TNRC6B: variants seen among roughly 807,000 people sequenced by gnomAD.
TNRC6B encodes trinucleotide repeat-containing gene 6B protein.
Under a neutral mutation model 203.6 loss-of-function variants are expected in TNRC6B, and 52 were observed. That is an observed-to-expected ratio of 0.26 (90% CI 0.20 to 0.32). The LOEUF is 0.32. Ranked by LOEUF, TNRC6B falls within the 10% of genes least tolerant of loss-of-function variation. The pLI, the probability that TNRC6B is intolerant of heterozygous loss-of-function variation, is 1.00. For synonymous variants in TNRC6B, 838 were observed against 845.7 expected, an observed-to-expected ratio of 0.99 and a Z score of 0.16; for missense variants, 1,923 against 2,286.2, an observed-to-expected ratio of 0.84 and a Z score of 3.24.
chr22:40,307,835 T>A (rs2071110436), intron 15 of TNRC6B, among the ~76,000 whole-genome samples: 1 of 152,168 alleles, frequency 6.6e-6, no homozygotes, highest in Admixed American at 6.5e-5. Context: ...GTTATCCTCT[T>A]ACATGCTTAA....
intron 12 of TNRC6B, among the ~76,000 whole-genome samples, chr22:40,296,713 C>T (rs1355899624): frequency 3.9e-5 from 6 of 151,906 alleles, no homozygotes; most frequent in Admixed American, 6.6e-5. Flanking sequence ...CTGCAACCTC[C>T]GCCACCTGGG....
chr22:40,126,780 G>A (rs548781719), intron 3 of TNRC6B, among the ~76,000 whole-genome samples: 1 of 150,136 alleles, frequency 6.7e-6, no homozygotes, highest in Non-Finnish European at 1.5e-5. Context: ...TTGTAGAGAC[G>A]GGGTCTCACT....
chr22:40,105,280 C>T (rs1339559969), intron 1 of TNRC6B, among the ~76,000 whole-genome samples: 2 of 152,096 alleles, frequency 1.3e-5, no homozygotes, highest in Non-Finnish European at 2.9e-5. Flanking sequence ...TGATTTAAAT[C>T]TTTTTAATTG....
At chr22:40,056,164 G>A (rs1049488176) in intron 1 of TNRC6B, among the ~76,000 whole-genome samples, 9 of 151,798 alleles carry the variant, frequency 5.9e-5, no homozygotes, top group African/African-American at 1.2e-4. Flanking sequence ...TTCTATTTCC[G>A]CTAAGTTGCT....
chr22:40,252,208 A>G (rs1193161104), intron 3 of TNRC6B, among the ~76,000 whole-genome samples: 4 of 152,222 alleles, frequency 2.6e-5, no homozygotes. Flanking sequence ...GGTATGCATA[A>G]GAATCATTTG....
chr22:40,131,041 T>C (rs1021532768), intron 3 of TNRC6B, among the ~76,000 whole-genome samples: 11 of 151,398 alleles, frequency 7.3e-5, no homozygotes, highest in African/African-American at 2.7e-4. Context: ...AGCTGGGACT[T>C]GACAGGCGCC....
intron 1 of TNRC6B, among the ~76,000 whole-genome samples, chr22:40,235,012 G>A (rs965717768): frequency 2.0e-5 from 3 of 152,156 alleles, no homozygotes; most frequent in African/African-American, 7.2e-5. Context: ...GATACTTTGA[G>A]CACTTGGCTT....
At chr22:40,301,856 C>T (rs1041852582) in intron 15 of TNRC6B, among the ~76,000 whole-genome samples, 1 of 152,172 alleles carries the variant, frequency 6.6e-6, no homozygotes, top group African/African-American at 2.4e-5. Context: ...AGCAGTCTTT[C>T]AATACGTGTG....
chr22:40,061,744 A>G (rs756567491), intron 1 of TNRC6B, among the ~76,000 whole-genome samples: 1 of 152,000 alleles, frequency 6.6e-6, no homozygotes, highest in African/African-American at 2.4e-5. Flanking sequence ...ACCACAATCT[A>G]TCTTCAAATA....
At position 40,266,690 on chromosome 22, in the gene TNRC6B, C is replaced by A. The variant is rs2070485887; in HGVS notation, c.2460C>A (p.His820Gln). ...GRQPNSWNKQ[H>Q]QQQQPPQQPP... ...AGCCCAATTCCTGGAATAAACAACACCAACAGCAGCAGCCCCCACAGCAGC... is the reference window on the plus strand; with the variant it reads ...AGCCCAATTCCTGGAATAAACAACAACAACAGCAGCAGCCCCCACAGCAGC... The change falls in exon 5 of 23, where the codon CAC (histidine) becomes CAA (glutamine). Residue 820 changes from histidine (H) to glutamine (Q), a missense_variant. This residue lies in a region of TNRC6B where 599 missense variants were observed against 656.5 expected (regional missense o/e 0.91). Transcript: ENST00000454349. 1.2e-6 allele frequency: 2 copies of A among 1,613,964 alleles called. No homozygotes were observed. Among genetic ancestry groups the A allele is most frequent in the East Asian group, 2.2e-5 (1 of 44,886 alleles).
chr22:40,205,350 A>T (rs2069465110), intron 1 of TNRC6B, among the ~76,000 whole-genome samples: 1 of 152,240 alleles, frequency 6.6e-6, no homozygotes, highest in South Asian at 2.1e-4. Context: ...CTGAAAAGGG[A>T]TTACTTGGTA....
At chr22:40,190,761 G>T (rs954614925) in intron 1 of TNRC6B, among the ~76,000 whole-genome samples, 1 of 152,232 alleles carries the variant, frequency 6.6e-6, no homozygotes, top group Non-Finnish European at 1.5e-5. Context: ...GAGTGCTGGG[G>T]CAGAGAGGGG....
chr22:40,091,216 C>T (rs1250431239), intron 1 of TNRC6B, among the ~76,000 whole-genome samples: 1 of 151,966 alleles, frequency 6.6e-6, no homozygotes, highest in Non-Finnish European at 1.5e-5. Flanking sequence ...ATCTCCTGAC[C>T]TCGTGATCCG....
At chr22:40,202,138 A>G (rs2069420264) in intron 1 of TNRC6B, among the ~76,000 whole-genome samples, 1 of 152,086 alleles carries the variant, frequency 6.6e-6, no homozygotes, top group African/African-American at 2.4e-5. Context: ...AATAATATTA[A>G]TTCCTACTTC....
At chr22:40,074,147 G>C (rs1230278610) in intron 1 of TNRC6B, among the ~76,000 whole-genome samples, 1 of 150,184 alleles carries the variant, frequency 6.7e-6, no homozygotes, top group Non-Finnish European at 1.5e-5. Flanking sequence ...CACGAGAATT[G>C]CTTGAACCTG....
chr22:40,133,144 G>T (rs1023093765), intron 3 of TNRC6B, among the ~76,000 whole-genome samples: 5 of 151,386 alleles, frequency 3.3e-5, no homozygotes, highest in African/African-American at 1.2e-4. Flanking sequence ...GTCACATGTG[G>T]CTTTGACTGG....
chr22:40,065,254 G>A (rs2067886006), intron 1 of TNRC6B, among the ~76,000 whole-genome samples: 2 of 151,818 alleles, frequency 1.3e-5, no homozygotes, highest in South Asian at 4.1e-4. Context: ...TCAAGTGATC[G>A]TCCTGCCTCA....
chr22:40,056,109 G>A (rs565482062), intron 1 of TNRC6B, among the ~76,000 whole-genome samples: 5 of 152,116 alleles, frequency 3.3e-5, no homozygotes, highest in Admixed American at 1.3e-4. Flanking sequence ...TTACTCTTAA[G>A]TAGTGTCTCC....
chr22:40,271,922 G>A (rs1192416302), intron 6 of TNRC6B, among the ~76,000 whole-genome samples: 1 of 152,110 alleles, frequency 6.6e-6, no homozygotes, highest in African/African-American at 2.4e-5. Flanking sequence ...TTGATGTTAT[G>A]AATCCTATGA....
Sources: allele counts gnomAD v4.1 joint callset (sites outside exome capture counted in the v4.1 genomes callset), GRCh38; gene constraint gnomAD v4.1.1; regional missense constraint gnomAD v4.1.1; transcripts MANE v1.5; gene names NCBI Gene and HGNC (gene_info 2026-07-23, HGNC 2026-07-21).